LRP1B: variants seen among roughly 807,000 people sequenced by gnomAD.
LRP1B encodes the protein low-density lipoprotein receptor-related protein 1B.
In LRP1B, 217 loss-of-function variants were observed where a neutral mutation model predicts 556.6. That is an observed-to-expected ratio of 0.39 (90% CI 0.35 to 0.44). The LOEUF (loss-of-function observed/expected upper bound fraction) is 0.44, where lower values mean the gene tolerates loss of function less well. Among genes scored for constraint, LRP1B ranks in the 20% least tolerant of loss-of-function variants. LRP1B has a pLI of 1.00. For synonymous variants in LRP1B, 2,047 were observed against 1,865.8 expected (o/e 1.10, Z -2.50); for missense variants, 5,053 against 5,620.8 (o/e 0.90, Z 3.23).
Position 140,871,250 on chromosome 2 carries a change from G to C in LRP1B, c.4170-2987C>G, listed in dbSNP as rs1693119007. ...AACTATTATAGTACACATTTGTTGG[G>C]AACATTAGGTGAGAAAATGGATGTA... On this transcript the variant is annotated intron_variant, in intron 25 of 90. Transcript: ENST00000389484. Among the ~76,000 whole-genome samples the C allele has an allele frequency of 2.0e-5, 3 of 152,222 alleles. No homozygotes were observed. In the South Asian group the frequency reaches 6.2e-4, roughly 32 times the overall value.
At chr2:141,943,104 T>C (rs1700860231) in intron 1 of LRP1B, among the ~76,000 whole-genome samples, 1 of 152,224 alleles carries the variant, frequency 6.6e-6, no homozygotes, top group African/African-American at 2.4e-5. Flanking sequence ...TTGTGTAGCT[T>C]TGTAATGAAA....
At chr2:140,918,486 AT>A (rs1236394874) in intron 21 of LRP1B, among the ~76,000 whole-genome samples, 6 of 152,114 alleles carry the variant, frequency 3.9e-5, no homozygotes, top group African/African-American at 9.7e-5. Context: ...CATTGTAAAC[AT>A]TGAAATATAT....
At chr2:141,729,242 G>A (rs886383308) in intron 2 of LRP1B, among the ~76,000 whole-genome samples, 2 of 152,040 alleles carry the variant, frequency 1.3e-5, no homozygotes, top group Non-Finnish European at 2.9e-5. Flanking sequence ...GGACTTCCTT[G>A]GGGGCATCAG....
At chr2:140,915,906 T>C (rs957493576) in intron 21 of LRP1B, among the ~76,000 whole-genome samples, 1 of 151,830 alleles carries the variant, frequency 6.6e-6, no homozygotes, top group Admixed American at 6.6e-5. Context: ...CAGGCGCCTG[T>C]ACTCCCAGCT....
intron 86 of LRP1B, among the ~76,000 whole-genome samples, chr2:140,264,730 GTGTGTGTGTGTA>G (rs1441537993): frequency 1.9e-4 from 21 of 108,824 alleles, no homozygotes; most frequent in African/African-American, 6.2e-4. Flanking sequence ...GTGTGTGTGT[GTGTGTGTGTGTA>G]TATAATTTTC....
intron 20 of LRP1B, among the ~76,000 whole-genome samples, chr2:140,938,220 A>G (rs1282028267): frequency 7.2e-5 from 11 of 152,030 alleles, no homozygotes; most frequent in Admixed American, 7.2e-4. Flanking sequence ...TTTTTAATGT[A>G]TGAGATAAAA....
At chr2:141,021,316 T>C (rs551825937) in intron 11 of LRP1B, among the ~76,000 whole-genome samples, 1 of 152,102 alleles carries the variant, frequency 6.6e-6, no homozygotes, top group East Asian at 1.9e-4. Flanking sequence ...CTAATCAACA[T>C]GTGTTGTGAT....
chr2:141,270,785 A>G (rs1432693875), intron 3 of LRP1B, among the ~76,000 whole-genome samples: 1 of 152,016 alleles, frequency 6.6e-6, no homozygotes, highest in Non-Finnish European at 1.5e-5. Flanking sequence ...GGTAGGGGAA[A>G]CAAGAAACAA....
chr2:141,161,386 C>T (rs1295351291), intron 7 of LRP1B, among the ~76,000 whole-genome samples: 2 of 152,032 alleles, frequency 1.3e-5, no homozygotes, highest in Non-Finnish European at 2.9e-5. Flanking sequence ...CAATTTCTTG[C>T]ACAATTAATA....
chr2:140,786,345 A>G (rs1689899534), intron 32 of LRP1B, among the ~76,000 whole-genome samples: 2 of 152,226 alleles, frequency 1.3e-5, no homozygotes, highest in African/African-American at 4.8e-5. Context: ...AATGAGAGAA[A>G]TATCTATATA....
chr2:141,221,949 G>A (rs1250266169), intron 6 of LRP1B, among the ~76,000 whole-genome samples: 1 of 152,088 alleles, frequency 6.6e-6, no homozygotes, highest in East Asian at 1.9e-4. Flanking sequence ...GAAATTTATA[G>A]CACTAAGTGC....
At chr2:141,223,303 A>G (rs1683116410) in intron 6 of LRP1B, among the ~76,000 whole-genome samples, 1 of 152,216 alleles carries the variant, frequency 6.6e-6, no homozygotes, top group Admixed American at 6.5e-5. Context: ...CAGAAAGAAT[A>G]AAACACCTAG....
At chr2:140,772,067 G>A (rs934645230) in intron 33 of LRP1B, among the ~76,000 whole-genome samples, 1 of 152,084 alleles carries the variant, frequency 6.6e-6, no homozygotes, top group Non-Finnish European at 1.5e-5. Flanking sequence ...TACCACATTC[G>A]CTGCTCATGT....
chr2:140,598,529 T>C (rs910197213), intron 43 of LRP1B, 102 bp downstream of exon 43: 1 of 835,680 alleles, frequency 1.2e-6, no homozygotes, highest in Non-Finnish European at 1.9e-6. Context: ...CAACTGGCTA[T>C]TTTGAAATTC....
At chr2:141,914,794 G>A (rs1699988783) in intron 1 of LRP1B, among the ~76,000 whole-genome samples, 1 of 152,012 alleles carries the variant, frequency 6.6e-6, no homozygotes, top group South Asian at 2.1e-4. Context: ...ATCTAACCAA[G>A]TAAGTGAAGA....
intron 1 of LRP1B, among the ~76,000 whole-genome samples, chr2:142,062,504 A>G (rs989043975): frequency 6.6e-6 from 1 of 151,828 alleles, no homozygotes; most frequent in Admixed American, 6.6e-5. Flanking sequence ...AGCTGAGGCA[A>G]AATTTTGATG....
At chr2:140,629,223 CTT>C (rs111850159) in intron 41 of LRP1B, among the ~76,000 whole-genome samples, 33 of 133,722 alleles carry the variant, frequency 2.5e-4, no homozygotes, top group Middle Eastern at 7.5e-3. Context: ...CCAGCTAATT[CTT>C]TTTTTTTTTT....
At chr2:141,306,742 G>A (rs1284812590) in intron 3 of LRP1B, among the ~76,000 whole-genome samples, 1 of 151,686 alleles carries the variant, frequency 6.6e-6, no homozygotes, top group Non-Finnish European at 1.5e-5. Flanking sequence ...TCTGATGTAG[G>A]CATTTATTGC....
At chr2:141,613,727 T>G (rs142015472) in intron 2 of LRP1B, among the ~76,000 whole-genome samples, 4 of 152,040 alleles carry the variant, frequency 2.6e-5, no homozygotes, top group African/African-American at 4.8e-5. Context: ...AATACACTAG[T>G]TTTGAAGAAA....
Sources: gnomAD v4.1 joint callset for allele counts (sites outside exome capture counted in the v4.1 genomes callset) on GRCh38, gnomAD v4.1.1 for gene constraint, MANE v1.5 for transcripts, NCBI Gene and HGNC (gene_info 2026-07-23, HGNC 2026-07-21) for gene names.